FRMD3: variants seen among roughly 807,000 people sequenced by gnomAD.
FRMD3 encodes FERM domain-containing protein 3.
A neutral mutation model predicts 70.2 loss-of-function variants in FRMD3; 33 were observed. That is an observed-to-expected ratio of 0.47 (90% CI 0.36 to 0.63). FRMD3 has a LOEUF of 0.63. Ranked by LOEUF, FRMD3 falls within the 20% of genes least tolerant of loss-of-function variation. The pLI is 0.00. For synonymous variants in FRMD3, 279 were observed against 255.9 expected (o/e 1.09, Z -0.86); for missense variants, 632 against 711.4 (o/e 0.89, Z 1.27).
the FRMD3 span, among the ~76,000 whole-genome samples, chr9:83,547,094 TCAA>T: frequency 6.6e-6 from 1 of 150,980 alleles, no homozygotes; most frequent in Non-Finnish European, 1.5e-5. Flanking sequence ...ACACTTTAAA[TCAA>T]CAACAATAAA....
chr9:83,415,442 C>CTTTTTTTT (rs541899087), intron 1 of FRMD3, among the ~76,000 whole-genome samples: 1 of 124,630 alleles, frequency 8.0e-6, no homozygotes, highest in African/African-American at 3.0e-5. Flanking sequence ...AAAGGAAATT[C>CTTTTTTTT]TTTTTTTTTT....
intron 1 of FRMD3, among the ~76,000 whole-genome samples, chr9:83,478,801 T>A (rs763093170): frequency 1.2e-4 from 19 of 152,228 alleles, no homozygotes; most frequent in Middle Eastern, 3.4e-3. Context: ...TACAATGCAA[T>A]ATAATTCAGC....
chr9:83,277,311 G>A (rs994680579), intron 13 of FRMD3, among the ~76,000 whole-genome samples: 1 of 152,080 alleles, frequency 6.6e-6, no homozygotes, highest in East Asian at 1.9e-4. Flanking sequence ...TTTAGTATCA[G>A]GTGGTTTTTA....
At chr9:83,528,854 T>C (rs1829737995) in intron 1 of FRMD3, among the ~76,000 whole-genome samples, 1 of 152,158 alleles carries the variant, frequency 6.6e-6, no homozygotes, top group African/African-American at 2.4e-5. Context: ...GCCTCAAAAC[T>C]CCTTTACCTA....
chr9:83,541,351 T>C (rs973846430), upstream of FRMD3, among the ~76,000 whole-genome samples: 9 of 152,310 alleles, frequency 5.9e-5, no homozygotes, highest in South Asian at 8.3e-4. Flanking sequence ...ACTATCTAAA[T>C]TGACTAACTG....
At chr9:83,263,664 A>G (rs1833094237) in intron 13 of FRMD3, among the ~76,000 whole-genome samples, 1 of 152,226 alleles carries the variant, frequency 6.6e-6, no homozygotes, top group African/African-American at 2.4e-5. Flanking sequence ...AGAATTATCT[A>G]CATAGAAAAG....
chr9:83,500,230 T>G (rs1361813057), intron 1 of FRMD3, among the ~76,000 whole-genome samples: 1 of 152,036 alleles, frequency 6.6e-6, no homozygotes, highest in Non-Finnish European at 1.5e-5. Flanking sequence ...AACCCTAATG[T>G]AAGCTATGAA....
intron 13 of FRMD3, among the ~76,000 whole-genome samples, chr9:83,278,560 A>T (rs111297336): frequency 0.011 from 1,647 of 152,286 alleles, 25 homozygotes; most frequent in African/African-American, 0.033. Flanking sequence ...CCACTGGGCA[A>T]TGGGAGAAGT....
At chr9:83,458,794 A>T (rs1827890658) in intron 1 of FRMD3, among the ~76,000 whole-genome samples, 1 of 152,222 alleles carries the variant, frequency 6.6e-6, no homozygotes, top group Non-Finnish European at 1.5e-5. Context: ...CAAATACAGA[A>T]ATTCCATCAG....
chr9:83,584,618 C>A, the FRMD3 span, among the ~76,000 whole-genome samples: 36 of 152,288 alleles, frequency 2.4e-4, no homozygotes, highest in Admixed American at 1.9e-3. Flanking sequence ...TTCTTGAAAC[C>A]TGTGTCTTAT....
chr9:83,349,230 G>C (rs569108287), intron 4 of FRMD3, among the ~76,000 whole-genome samples: 4 of 152,266 alleles, frequency 2.6e-5, no homozygotes, highest in African/African-American at 9.6e-5. Flanking sequence ...TCTGAGTGGA[G>C]GGAAGCCTGC....
intron 13 of FRMD3, among the ~76,000 whole-genome samples, chr9:83,264,711 G>T (rs1833152107): frequency 1.3e-5 from 2 of 151,436 alleles, no homozygotes; most frequent in Non-Finnish European, 2.9e-5. Context: ...TAGTAATGGA[G>T]CAGGAATAAT....
intron 6 of FRMD3, among the ~76,000 whole-genome samples, chr9:83,330,329 AAAAAAAAAC>A (rs1360933027): frequency 2.9e-5 from 4 of 136,078 alleles, no homozygotes; most frequent in Non-Finnish European, 3.3e-5. Flanking sequence ...CATCTCAAAA[AAAAAAAAAC>A]AAAAAAAACA....
In FRMD3 at chr9:83,246,875, T is replaced by C. The variant is rs1171992903; in HGVS notation, c.*1043A>G. On this transcript the variant is annotated 3_prime_UTR_variant, in exon 14 of 14. Transcript: ENST00000304195. ...AACGCTGGCATCACCATCACTTTCA[T>C]AAAATAGACCATTCGCCTGTCACCA... The C allele has an allele frequency of 1.0e-6, 1 of 985,358 alleles. No homozygotes were observed. Among genetic ancestry groups the C allele is most frequent in the Non-Finnish European group, 1.2e-6 (1 of 829,904 alleles). The allele number at this position is 985,358 out of a possible 1,614,324, so 61.0% of individuals were successfully genotyped here.
chr9:83,272,672 G>A lies in FRMD3; in HGVS notation c.1195+17931C>T, dbSNP rs567577579. On this transcript the variant is annotated intron_variant, in intron 13 of 13. Coordinates refer to ENST00000304195, the MANE Select transcript of FRMD3 (RefSeq NM_174938.6). ...TGGTAAGTGAGGAGCGCCTCTGCCC[G>A]GCTGCCCAGTCTGGGAAGTGAGGAG... 9.7e-5 allele frequency among the ~76,000 whole-genome samples: 14 copies of A among 144,372 alleles called. No individual in the cohort carries two copies. In the South Asian group the frequency reaches 1.3e-3, roughly 14 times the overall value. 94.7% of individuals were successfully genotyped at this position (144,372 alleles called of 152,430 possible).
chr9:83,507,834 A>T (rs1374105739), intron 1 of FRMD3, among the ~76,000 whole-genome samples: 1 of 149,026 alleles, frequency 6.7e-6, no homozygotes, highest in Non-Finnish European at 1.5e-5. Context: ...ATAACAAGAA[A>T]AAGTATAGTA....
intron 13 of FRMD3, among the ~76,000 whole-genome samples, chr9:83,261,624 T>A (rs1833000441): frequency 2.0e-5 from 3 of 152,186 alleles, no homozygotes; most frequent in Admixed American, 6.5e-5. Context: ...GTTTCAACCA[T>A]ATTTATGGCT....
intron 3 of FRMD3, among the ~76,000 whole-genome samples, chr9:83,358,888 G>A (rs12686612): frequency 6.6e-6 from 1 of 152,000 alleles, no homozygotes. Flanking sequence ...GCAAAATGAC[G>A]CTTGAGCACC....
chr9:83,471,380 T>C (rs1828264455), intron 1 of FRMD3, among the ~76,000 whole-genome samples: 1 of 152,240 alleles, frequency 6.6e-6, no homozygotes, highest in Non-Finnish European at 1.5e-5. Flanking sequence ...CATTTTCTCA[T>C]ATCAATATCT....
Sources: gnomAD v4.1 joint callset for allele counts (sites outside exome capture counted in the v4.1 genomes callset) on GRCh38, gnomAD v4.1.1 for gene constraint, MANE v1.5 for transcripts, NCBI Gene and HGNC (gene_info 2026-07-23, HGNC 2026-07-21) for gene names.